MBP: variants seen among roughly 807,000 people sequenced by gnomAD.
MBP encodes myelin basic protein.
MBP carries 16 observed loss-of-function variants against 35.8 expected under a neutral mutation model. That is an observed-to-expected ratio of 0.45 (90% CI 0.30 to 0.68). MBP has a LOEUF of 0.68. MBP is among the 30% of genes least tolerant of loss of function. The pLI is 0.08. For missense variants in MBP, 380 were observed against 404.7 expected (o/e 0.94, Z 0.52); for synonymous variants, 143 against 159.6 (o/e 0.90, Z 0.78).
At chr18:77,050,646 A>T (rs998796507) in intron 3 of MBP, among the ~76,000 whole-genome samples, 2 of 152,142 alleles carry the variant, frequency 1.3e-5, no homozygotes, top group African/African-American at 4.8e-5. Context: ...TCCCAGATTC[A>T]AGTGATTCTC....
At chr18:77,064,781 T>C (rs1332937002) in intron 3 of MBP, among the ~76,000 whole-genome samples, 3 of 152,254 alleles carry the variant, frequency 2.0e-5, no homozygotes, top group African/African-American at 7.2e-5. Flanking sequence ...CCTTGAATGT[T>C]GTCTGTAACC....
chr18:77,063,020 G>A (rs61544204), intron 3 of MBP, among the ~76,000 whole-genome samples: 7,384 of 152,206 alleles, frequency 0.049, 179 homozygotes, highest in South Asian at 0.097. Context: ...TTGTGCTCAC[G>A]GGACATCAGG....
At chr18:77,027,383 CCGCACACGCCTGCT>C (rs1972264188) in intron 3 of MBP, among the ~76,000 whole-genome samples, 1 of 152,214 alleles carries the variant, frequency 6.6e-6, no homozygotes, top group Non-Finnish European at 1.5e-5. Context: ...ACACGCCTGC[CCGCACACGCCTGCT>C]GAGGCCCACC....
intron 1 of MBP, among the ~76,000 whole-genome samples, chr18:77,124,593 G>C (rs573645623): frequency 1.3e-5 from 2 of 152,208 alleles, no homozygotes; most frequent in African/African-American, 4.8e-5. Context: ...AGGTGAGTTC[G>C]GAGGGGATGG....
chr18:77,047,085 C>A (rs973833090), intron 3 of MBP, among the ~76,000 whole-genome samples: 1 of 152,206 alleles, frequency 6.6e-6, no homozygotes, highest in South Asian at 2.1e-4. Context: ...TCTAAATGAA[C>A]AAACCTTGGA....
intron 4 of MBP, among the ~76,000 whole-genome samples, chr18:77,009,360 A>C (rs1393857760): frequency 1.3e-5 from 2 of 152,260 alleles, no homozygotes; most frequent in African/African-American, 2.4e-5. Context: ...GAGCCCAGAG[A>C]GACCAGACGT....
At chr18:77,130,102 T>TA (rs1977191823) in intron 1 of MBP, among the ~76,000 whole-genome samples, 1 of 152,090 alleles carries the variant, frequency 6.6e-6, no homozygotes, top group Non-Finnish European at 1.5e-5. Flanking sequence ...TTTTCTTTTT[T>TA]ATTGACAACT....
Position 77,048,900 on chromosome 18 carries a change from C to T in MBP, c.139+17398G>A, listed in dbSNP as rs919411250. ...GAACCCAGGTCAAGAATAATCTCTA[C>T]GAGGGCAGGGTTTTTTTTTAATTTT... On this transcript the variant is annotated intron_variant, in intron 3 of 8. Transcript: ENST00000355994. Among the ~76,000 whole-genome samples, 11 of 151,982 alleles carry T rather than the reference C, an allele frequency of 7.2e-5. No individual in the cohort carries two copies. In the East Asian group the frequency reaches 1.4e-3, roughly 19 times the overall value.
intron 2 of MBP, among the ~76,000 whole-genome samples, chr18:77,090,431 A>G (rs756136224): frequency 4.6e-5 from 7 of 152,162 alleles, no homozygotes; most frequent in Admixed American, 1.3e-4. Flanking sequence ...TCCTCTTTAC[A>G]GCAAAACTTC....
At chr18:77,099,991 TCTCTA>T (rs772093067) in intron 2 of MBP, among the ~76,000 whole-genome samples, 18 of 152,194 alleles carry the variant, frequency 1.2e-4, no homozygotes, top group Non-Finnish European at 1.9e-4. Flanking sequence ...GGACTTTCCT[TCTCTA>T]CTCTAATTGT....
At chr18:76,987,640 G>A (rs1969632169) in intron 7 of MBP, 1 of 986,024 alleles carries the variant, frequency 1.0e-6, no homozygotes, top group African/African-American at 1.7e-5. Context: ...GTGTAGGTAG[G>A]CTCTGTTCTA....
chr18:77,072,488 G>C (rs1974492525), intron 2 of MBP, among the ~76,000 whole-genome samples: 1 of 152,158 alleles, frequency 6.6e-6, no homozygotes, highest in African/African-American at 2.4e-5. Context: ...GAAAATAACT[G>C]AGTTTTCTGT....
At position 77,024,582 on chromosome 18, in the gene MBP, G is replaced by A. The variant is rs547769448; in HGVS notation, c.140-7314C>T. ...GAAACATGGATGGCCAAGCGGGACCGCCTTCCACAAGCCCCAGGCCCTCGT... is the reference window on the plus strand; with the variant it reads ...GAAACATGGATGGCCAAGCGGGACCACCTTCCACAAGCCCCAGGCCCTCGT... On this transcript the variant is annotated intron_variant, in intron 3 of 8. Coordinates refer to ENST00000355994, the MANE Select transcript of MBP (RefSeq NM_001025101.2). Among the ~76,000 whole-genome samples, 173 of 152,250 alleles carry A rather than the reference G, an allele frequency of 1.1e-3. 1 individual carries two copies. The highest frequency in any genetic ancestry group is 1.8e-3 in the Non-Finnish European group (124 of 68,048).
chr18:77,086,723 G>A (rs1482964551), intron 2 of MBP, among the ~76,000 whole-genome samples: 1 of 152,140 alleles, frequency 6.6e-6, no homozygotes, highest in Non-Finnish European at 1.5e-5. Context: ...ACAAGCTCAA[G>A]AACAAACCAT....
chr18:77,084,031 T>C (rs1975092498), intron 2 of MBP, among the ~76,000 whole-genome samples: 1 of 151,588 alleles, frequency 6.6e-6, no homozygotes, highest in Non-Finnish European at 1.5e-5. Flanking sequence ...AAAAAACCCA[T>C]AAACGCTCAG....
intron 3 of MBP, among the ~76,000 whole-genome samples, chr18:77,038,166 C>T (rs1019126302): frequency 6.6e-6 from 1 of 152,122 alleles, no homozygotes; most frequent in East Asian, 1.9e-4. Context: ...ACATGCGAGC[C>T]GCATAGAAAT....
chr18:77,129,336 A>C (rs1977163361), intron 1 of MBP, among the ~76,000 whole-genome samples: 1 of 152,228 alleles, frequency 6.6e-6, no homozygotes, highest in Non-Finnish European at 1.5e-5. Context: ...TGGAACATGC[A>C]CTCGTGGTTG....
chr18:77,123,688 G>C (rs1000253644), intron 1 of MBP, among the ~76,000 whole-genome samples: 54 of 152,262 alleles, frequency 3.5e-4, no homozygotes, highest in African/African-American at 1.3e-3. Context: ...GGTGGCTGCA[G>C]ACCACAGGAG....
intron 7 of MBP, chr18:76,986,170 T>C (rs1568264766): frequency 7.1e-6 from 7 of 985,448 alleles, no homozygotes; most frequent in African/African-American, 1.7e-5. Flanking sequence ...GGGATCTTGG[T>C]TGGCCTCCTG....
Sources: gnomAD v4.1 joint callset for allele counts (sites outside exome capture counted in the v4.1 genomes callset) on GRCh38, gnomAD v4.1.1 for gene constraint, MANE v1.5 for transcripts, NCBI Gene and HGNC (gene_info 2026-07-23, HGNC 2026-07-21) for gene names.